AP2B1: variants seen among roughly 807,000 people sequenced by gnomAD.
The protein encoded by AP2B1 is AP-2 complex subunit beta.
AP2B1 carries 23 observed loss-of-function variants against 102.0 expected under a neutral mutation model. The ratio of observed to expected loss-of-function variants is 0.23; its 90% confidence interval spans 0.16 to 0.32. The LOEUF is 0.32. AP2B1 is among the 10% of genes least tolerant of loss of function. The pLI is 1.00. For missense variants in AP2B1, 541 were observed against 1,157.4 expected, an observed-to-expected ratio of 0.47 and a Z score of 7.73; for synonymous variants, 381 against 421.2, an observed-to-expected ratio of 0.90 and a Z score of 1.17.
chr17:35,676,587 T>G (rs772587261), intron 17 of AP2B1, among the ~76,000 whole-genome samples: 23 of 152,218 alleles, frequency 1.5e-4, no homozygotes, highest in Non-Finnish European at 1.9e-4. Context: ...TATACATCTT[T>G]GGTTGGACAT....
At chr17:35,715,793 C>T (rs1555589592) in intron 20 of AP2B1, among the ~76,000 whole-genome samples, 1 of 152,176 alleles carries the variant, frequency 6.6e-6, no homozygotes, top group African/African-American at 2.4e-5. Flanking sequence ...TTCTTAACTA[C>T]TCTGCTTGGT....
At chr17:35,686,350 G>T (rs138458228) in intron 18 of AP2B1, among the ~76,000 whole-genome samples, 4 of 152,268 alleles carry the variant, frequency 2.6e-5, no homozygotes, top group African/African-American at 7.2e-5. Flanking sequence ...TCCTCTAAAT[G>T]AGTTTTCTCT....
intron 3 of AP2B1, among the ~76,000 whole-genome samples, chr17:35,601,650 T>C (rs1018551636): frequency 1.3e-5 from 2 of 152,232 alleles, no homozygotes; most frequent in Non-Finnish European, 2.9e-5. Context: ...AGCATTGGGC[T>C]AGATTTAACC....
At chr17:35,627,107 T>C (rs751876498) in intron 7 of AP2B1, among the ~76,000 whole-genome samples, 3 of 152,186 alleles carry the variant, frequency 2.0e-5, no homozygotes, top group African/African-American at 7.2e-5. Flanking sequence ...CTGGTTGATA[T>C]GGTTCAGGCT....
At chr17:35,625,444 G>T (rs963158444) in intron 6 of AP2B1, among the ~76,000 whole-genome samples, 6 of 152,038 alleles carry the variant, frequency 3.9e-5, no homozygotes, top group South Asian at 2.1e-4. Flanking sequence ...ATATAGTCTG[G>T]AAATAACTTT....
chr17:35,697,999 T>C (rs1321858427), intron 18 of AP2B1, among the ~76,000 whole-genome samples: 2 of 152,220 alleles, frequency 1.3e-5, no homozygotes, highest in Non-Finnish European at 2.9e-5. Context: ...GCAATAGATA[T>C]TCATTATTTC....
Position 35,589,469 on chromosome 17 carries a change from G to A in AP2B1, c.-24+2041G>A, listed in dbSNP as rs147615387. On this transcript the variant is annotated intron_variant, in intron 1 of 21. Coordinates refer to ENST00000610402, the MANE Select transcript of AP2B1 (RefSeq NM_001030006.2). Reference sequence around the variant, plus strand: ...TTTTTCTGACCTTATTCTACCCAAGGTATTAATCTTATTTTGCTGCTCAGT... The same window carrying A: ...TTTTTCTGACCTTATTCTACCCAAGATATTAATCTTATTTTGCTGCTCAGT... 2.2e-4 allele frequency among the ~76,000 whole-genome samples: 33 copies of A among 152,260 alleles called. No homozygotes were observed. In the East Asian group the frequency reaches 6.0e-3, roughly 28 times the overall value.
At chr17:35,671,923 A>G (rs751040767) in intron 16 of AP2B1, 23 bp downstream of exon 16, 2 of 1,610,336 alleles carry the variant, frequency 1.2e-6, no homozygotes, top group South Asian at 2.2e-5. Flanking sequence ...TTAACATAGC[A>G]ATACTTTCTT....
Position 35,726,069 on chromosome 17 carries a change from C to T in AP2B1, c.*2370C>T, listed in dbSNP as rs2085511566. 6.6e-6 allele frequency: 1 copy of T among 152,186 alleles called. No individual in the cohort carries two copies. The highest frequency in any genetic ancestry group is 2.4e-5 in the African/African-American group (1 of 41,436). 9.4% of individuals were successfully genotyped at this position (152,186 alleles called of 1,614,324 possible). On this transcript the variant is annotated 3_prime_UTR_variant, in exon 22 of 22. Coordinates refer to ENST00000610402, the MANE Select transcript of AP2B1 (RefSeq NM_001030006.2). ...CCTCTTGGCTCATTCCAAGCTTGGC[C>T]AAATTGGGGAAGTGGGATGGAGGTT...
chr17:35,717,033 T>C (rs1479030489), intron 20 of AP2B1, among the ~76,000 whole-genome samples, 162 bp from the exon 21 acceptor site: 1 of 152,218 alleles, frequency 6.6e-6, no homozygotes, highest in Non-Finnish European at 1.5e-5. Flanking sequence ...TTCTTCACTT[T>C]TTGCTATTGT....
intron 14 of AP2B1, among the ~76,000 whole-genome samples, chr17:35,666,757 GT>G (rs1328014191): frequency 1.3e-5 from 2 of 152,124 alleles, no homozygotes; most frequent in Non-Finnish European, 2.9e-5. Context: ...ATCACTCTGA[GT>G]TTTACAAGTT....
chr17:35,682,889 A>T (rs1030603573), intron 18 of AP2B1, 65 bp downstream of exon 18: 79 of 1,388,210 alleles, frequency 5.7e-5, no homozygotes, highest in Non-Finnish European at 7.0e-5. Flanking sequence ...TATTATTATT[A>T]TTTTTAAAGA....
intron 21 of AP2B1, among the ~76,000 whole-genome samples, chr17:35,720,573 A>ATATATATATATT (rs1324333805): frequency 1.1e-4 from 3 of 28,064 alleles, no homozygotes; most frequent in African/African-American, 1.4e-4. Flanking sequence ...ATATATATAT[A>ATATATATATATT]TTTTTTTTTT....
chr17:35,718,258 A>T (rs1037513990), intron 21 of AP2B1, among the ~76,000 whole-genome samples: 1 of 151,826 alleles, frequency 6.6e-6, no homozygotes, highest in Admixed American at 6.6e-5. Flanking sequence ...TCCAGAACTG[A>T]AAATTCTTGG....
At chr17:35,641,083 A>G (rs16971241) in intron 11 of AP2B1, among the ~76,000 whole-genome samples, 3,910 of 152,326 alleles carry the variant, frequency 0.026, 105 homozygotes, top group East Asian at 0.14. Flanking sequence ...AGGAGTATGT[A>G]CAAGTCAATA....
At chr17:35,689,521 A>C (rs2076000820) in intron 18 of AP2B1, among the ~76,000 whole-genome samples, 1 of 152,222 alleles carries the variant, frequency 6.6e-6, no homozygotes, top group Admixed American at 6.5e-5. Flanking sequence ...AACTATTCTC[A>C]CAACTTAAAA....
chr17:35,609,902 G>C (rs1024060126), intron 5 of AP2B1, among the ~76,000 whole-genome samples: 1 of 152,186 alleles, frequency 6.6e-6, no homozygotes, highest in African/African-American at 2.4e-5. Flanking sequence ...CTTGGCTTCT[G>C]TTTATTATCC....
chr17:35,607,433 CAT>C (rs2073719115), intron 4 of AP2B1, among the ~76,000 whole-genome samples: 1 of 152,186 alleles, frequency 6.6e-6, no homozygotes, highest in Non-Finnish European at 1.5e-5. Flanking sequence ...GGGAATATAT[CAT>C]TGGGAAGAAT....
intron 16 of AP2B1, among the ~76,000 whole-genome samples, chr17:35,672,786 A>G (rs534217710): frequency 1.1e-4 from 17 of 152,242 alleles, no homozygotes; most frequent in Non-Finnish European, 1.8e-4. Context: ...TTACTAACAT[A>G]AAAGTATTGT....
Sources: gnomAD v4.1 joint callset for allele counts (sites outside exome capture counted in the v4.1 genomes callset) on GRCh38, gnomAD v4.1.1 for gene constraint, MANE v1.5 for transcripts, NCBI Gene and HGNC (gene_info 2026-07-23, HGNC 2026-07-21) for gene names.